Variants in STAU2 observed in about 807,000 individuals in gnomAD.
STAU2 encodes the protein staufen double-stranded RNA binding protein 2.
In STAU2, 20 loss-of-function variants were observed where a neutral mutation model predicts 65.9. The observed-to-expected ratio is 0.30, with a 90% CI of 0.21 to 0.44. The LOEUF (loss-of-function observed/expected upper bound fraction) is 0.44. Ranked by LOEUF, STAU2 falls within the 20% of genes least tolerant of loss-of-function variation. The pLI is 1.00. For synonymous variants in STAU2, 232 were observed against 233.9 expected (o/e 0.99, Z 0.07); for missense variants, 558 against 683.9 (o/e 0.82, Z 2.05).
intron 13 of STAU2, among the ~76,000 whole-genome samples, chr8:73,496,326 T>A (rs1485631388): frequency 1.3e-5 from 2 of 151,592 alleles, no homozygotes; most frequent in Non-Finnish European, 3.0e-5. Flanking sequence ...TCCCCAGATG[T>A]GAAGATGACC....
intron 13 of STAU2, among the ~76,000 whole-genome samples, chr8:73,535,880 A>G (rs1434347856): frequency 1.3e-5 from 2 of 152,186 alleles, no homozygotes; most frequent in Non-Finnish European, 2.9e-5. Context: ...TTACAATTCT[A>G]TTGTATTGAA....
At chr8:73,438,961 C>G (rs771565190) in intron 13 of STAU2, 3 of 456,626 alleles carry the variant, frequency 6.6e-6, no homozygotes, top group Non-Finnish European at 1.3e-5. Context: ...ACCTTCACCA[C>G]TGGTCATGTG....
At chr8:73,491,901 T>C (rs1466485332) in intron 13 of STAU2, among the ~76,000 whole-genome samples, 1 of 151,956 alleles carries the variant, frequency 6.6e-6, no homozygotes, top group African/African-American at 2.4e-5. Flanking sequence ...GTAGTCTTCT[T>C]TGAGCAATGT....
intron 13 of STAU2, among the ~76,000 whole-genome samples, chr8:73,431,200 C>T (rs1817260667): frequency 6.6e-6 from 1 of 152,160 alleles, no homozygotes; most frequent in Non-Finnish European, 1.5e-5. Context: ...AAGTCTTTGG[C>T]CATAAACAAA....
intron 5 of STAU2, among the ~76,000 whole-genome samples, chr8:73,685,883 C>A (rs997756706): frequency 6.6e-6 from 1 of 152,198 alleles, no homozygotes; most frequent in East Asian, 1.9e-4. Context: ...TTCACAATTG[C>A]GAAAACATAA....
chr8:73,549,529 A>G, intron 13 of STAU2: 10 of 650,828 alleles, frequency 1.5e-5, no homozygotes, highest in Non-Finnish European at 1.9e-5. Context: ...CAGTTGATCA[A>G]AGTAGCTTTT....
intron 4 of STAU2, among the ~76,000 whole-genome samples, chr8:73,707,626 A>C (rs1820604127): frequency 6.6e-6 from 1 of 152,168 alleles, no homozygotes; most frequent in Non-Finnish European, 1.5e-5. Context: ...TGCTAATATG[A>C]AACTCAAAAC....
At chr8:73,651,045 G>T (rs1190902664) in intron 6 of STAU2, among the ~76,000 whole-genome samples, 3 of 152,186 alleles carry the variant, frequency 2.0e-5, no homozygotes, top group Admixed American at 6.5e-5. Context: ...CTTGTGGCGG[G>T]CAGCAGCCCT....
chr8:73,422,775 G>GAGCTAGAA, intron 13 of STAU2, 73 bp from the exon 14 acceptor site: 1 of 1,018,308 alleles, frequency 9.8e-7, no homozygotes, highest in Non-Finnish European at 1.3e-6. Flanking sequence ...AAAGAAAGCT[G>GAGCTAGAA]AGATAGAAAG....
At chr8:73,733,522 C>T (rs1257330589) in intron 3 of STAU2, among the ~76,000 whole-genome samples, 1 of 152,026 alleles carries the variant, frequency 6.6e-6, no homozygotes, top group Non-Finnish European at 1.5e-5. Context: ...TATTATGGTA[C>T]CCCAGAAACC....
At chr8:73,518,722 A>G (rs997370319) in intron 13 of STAU2, among the ~76,000 whole-genome samples, 1 of 152,170 alleles carries the variant, frequency 6.6e-6, no homozygotes, top group African/African-American at 2.4e-5. Flanking sequence ...TTTTTAGTCT[A>G]TTATTTAGAT....
In STAU2 at chr8:73,595,661, T is replaced by C. The variant is rs1331797316; in HGVS notation, c.1030-364A>G. 2.6e-5 allele frequency among the ~76,000 whole-genome samples: 4 copies of C among 152,200 alleles called. No individual in the cohort carries two copies. The South Asian group carries it at 8.3e-4, about 31-fold the overall frequency. On this transcript the variant is annotated intron_variant, in intron 10 of 14. Transcript: ENST00000524300. The stretch of plus-strand genomic sequence containing the variant: ...TTATGACTACATTTTAGCATTCTTA[T>C]ATTTCAATTAATAAACTGAAAAGGC...
chr8:73,610,217 A>G (rs1436164160), intron 9 of STAU2, among the ~76,000 whole-genome samples: 1 of 148,128 alleles, frequency 6.8e-6, no homozygotes, highest in East Asian at 2.1e-4. Flanking sequence ...TCAAAGCTGC[A>G]GTGAGCTGAG....
intron 13 of STAU2, among the ~76,000 whole-genome samples, chr8:73,526,015 C>T (rs951412405): frequency 2.0e-5 from 3 of 152,324 alleles, no homozygotes; most frequent in Non-Finnish European, 4.4e-5. Context: ...CTACTGCACT[C>T]TCTTCTACAG....
chr8:73,501,539 T>A (rs56208360), intron 13 of STAU2, among the ~76,000 whole-genome samples: 78,671 of 151,674 alleles, frequency 0.52, 20,830 homozygotes, highest in Non-Finnish European at 0.57. Flanking sequence ...TTCCCCAGTA[T>A]GTGTAAGTAA....
intron 4 of STAU2, among the ~76,000 whole-genome samples, chr8:73,697,679 G>A (rs1436374900): frequency 6.6e-6 from 1 of 152,170 alleles, no homozygotes; most frequent in Non-Finnish European, 1.5e-5. Context: ...TTAAAAAGCT[G>A]GCAGCGGGGA....
chr8:73,489,000 A>G (rs1302906990), intron 13 of STAU2, among the ~76,000 whole-genome samples: 2 of 151,836 alleles, frequency 1.3e-5, no homozygotes, highest in African/African-American at 4.8e-5. Flanking sequence ...TTTTTTTTCT[A>G]TCAATTCTTA....
intron 3 of STAU2, among the ~76,000 whole-genome samples, chr8:73,729,217 G>C (rs1805870666): frequency 6.6e-6 from 1 of 152,180 alleles, no homozygotes; most frequent in African/African-American, 2.4e-5. Context: ...TTCTATTAAT[G>C]TGTTGTACTA....
intron 12 of STAU2, among the ~76,000 whole-genome samples, chr8:73,575,245 A>G (rs1176506448): frequency 6.6e-6 from 1 of 152,150 alleles, no homozygotes; most frequent in East Asian, 1.9e-4. Context: ...TACCAAATAC[A>G]TAGTCTCATT....
Sources: gnomAD v4.1 joint callset for allele counts (sites outside exome capture counted in the v4.1 genomes callset) on GRCh38, gnomAD v4.1.1 for gene constraint, MANE v1.5 for transcripts, NCBI Gene and HGNC (gene_info 2026-07-23, HGNC 2026-07-21) for gene names.